The following KCNC4 variants were observed in gnomAD, a reference collection of about 807,000 sequenced individuals.
KCNC4 encodes potassium voltage-gated channel subfamily C member 4, also known as voltage-gated potassium channel KCNC4.
A neutral mutation model predicts 42.8 loss-of-function variants in KCNC4; 23 were observed. That is an observed-to-expected ratio of 0.54 (90% CI 0.39 to 0.76). KCNC4 has a LOEUF of 0.76. Among genes scored for constraint, KCNC4 ranks in the 30% least tolerant of loss-of-function variants. The pLI is 0.00. For synonymous variants in KCNC4, 422 were observed against 393.5 expected (o/e 1.07, Z -0.86); for missense variants, 751 against 898.2 (o/e 0.84, Z 2.10).
chr1:110,250,165 T>C (rs1659225164), downstream of KCNC4, among the ~76,000 whole-genome samples: 1 of 152,020 alleles, frequency 6.6e-6, no homozygotes, highest in South Asian at 2.1e-4. Context: ...CTCCCCCACC[T>C]CCCTCCTCCC....
rs760839541 is a variant in KCNC4 at position 110,223,767 on chromosome 1, G to T, written c.1482G>T (p.Lys494Asn). The T allele has an allele frequency of 6.2e-7, 1 of 1,614,204 alleles. No homozygotes were observed. The highest frequency in any genetic ancestry group is 2.2e-5 in the East Asian group (1 of 44,876). ...AKQKLPKKRK[K>N]HVPRPAQLES... ...AGAAGCTGCCCAAGAAACGGAAGAA[G>T]CACGTGCCACGGCCGGCGCAGCTGG... Residue 494 changes from lysine (K) to asparagine (N), a missense_variant, in exon 2 of 4, where the codon AAG becomes AAT. Lys to Asn is a moderately conservative substitution (Grantham distance 94). This residue lies in a region of KCNC4 where 185 missense variants were observed against 293.7 expected (regional missense o/e 0.63). Transcript: ENST00000438661. The surrounding 1 kb of genome is among the most constrained non-coding windows in gnomAD (Gnocchi z 7.5).
chr1:110,275,949 C>T (rs1391831583), intron 1 of KCNC4, among the ~76,000 whole-genome samples: 9 of 118,500 alleles, frequency 7.6e-5, no homozygotes, highest in Non-Finnish European at 1.1e-4. Flanking sequence ...AAAGAGACTC[C>T]GCCTCAAAAA....
chr1:110,250,476 G>A (rs928739428), downstream of KCNC4, among the ~76,000 whole-genome samples: 1 of 152,186 alleles, frequency 6.6e-6, no homozygotes, highest in African/African-American at 2.4e-5. Flanking sequence ...CACTGCACAA[G>A]CCTGGGCCAT....
intron 1 of KCNC4, among the ~76,000 whole-genome samples, chr1:110,270,865 G>A (rs916275185): frequency 6.6e-6 from 1 of 152,162 alleles, no homozygotes; most frequent in Non-Finnish European, 1.5e-5. Context: ...CTGGCTCTGC[G>A]GTGGCCTCAA....
At chr1:110,241,389 A>G (rs576146753) in exon 4 of KCNC4, 1 of 152,310 alleles carries the variant, frequency 6.6e-6, no homozygotes, top group Admixed American at 6.5e-5. Context: ...CCCAGGAGAT[A>G]GGACTGTTGA....
chr1:110,225,779 C>CA (rs1225001937), intron 2 of KCNC4, 196 bp from the exon 3 acceptor site: 2 of 575,130 alleles, frequency 3.5e-6, no homozygotes, highest in Non-Finnish European at 6.2e-6. Flanking sequence ...GGAGGGAAGT[C>CA]AGTCTTCACA....
chr1:110,244,842 A>G (rs1659110377), exon 4 of KCNC4: 1 of 152,250 alleles, frequency 6.6e-6, no homozygotes, highest in Non-Finnish European at 1.5e-5. Context: ...TGGGCCGTGC[A>G]GTCTTTGGCA....
intron 1 of KCNC4, chr1:110,221,684 G>C (rs115552957): frequency 9.5e-4 from 144 of 152,354 alleles, no homozygotes; most frequent in African/African-American, 3.3e-3. Flanking sequence ...CAGCCAGGTG[G>C]AAGTCAGGGT....
intron 1 of KCNC4, among the ~76,000 whole-genome samples, chr1:110,212,869 C>T (rs1447969850): frequency 6.6e-6 from 1 of 152,178 alleles, no homozygotes; most frequent in Non-Finnish European, 1.5e-5. Flanking sequence ...GAGAATTAAA[C>T]ACGAAGGGCC....
At chr1:110,220,237 G>A (rs1658020846) in intron 1 of KCNC4, 1 of 152,222 alleles carries the variant, frequency 6.6e-6, no homozygotes, top group East Asian at 1.9e-4. Flanking sequence ...GTGGAGGTGA[G>A]GGGTAGCAGT....
At chr1:110,258,422 G>T (rs1256420117) in intron 1 of KCNC4, among the ~76,000 whole-genome samples, 1 of 152,116 alleles carries the variant, frequency 6.6e-6, no homozygotes, top group Non-Finnish European at 1.5e-5. Flanking sequence ...ACTTTTAGTA[G>T]AGACGAGGTT....
At chr1:110,272,569 A>G (rs932160047) in intron 1 of KCNC4, 2 of 152,256 alleles carry the variant, frequency 1.3e-5, no homozygotes, top group African/African-American at 4.8e-5. Flanking sequence ...AGGATGCTGT[A>G]GTCACACAAT....
exon 4 of KCNC4, chr1:110,244,006 C>T (rs1226226298): frequency 1.3e-5 from 2 of 152,240 alleles, no homozygotes. Flanking sequence ...TTTTCACAGG[C>T]TGGCTTGGTG....
chr1:110,218,128 C>G (rs1462838226), intron 1 of KCNC4, among the ~76,000 whole-genome samples: 1 of 152,214 alleles, frequency 6.6e-6, no homozygotes, highest in South Asian at 2.1e-4. Context: ...GCTCTCCTCC[C>G]CTGCCCCCGC....
At chr1:110,263,539 C>CACAG (rs1269030129) in intron 1 of KCNC4, among the ~76,000 whole-genome samples, 1 of 152,038 alleles carries the variant, frequency 6.6e-6, no homozygotes, top group African/African-American at 2.4e-5. Context: ...GTTTGGGCAA[C>CACAG]ACAGACAGAC....
intron 1 of KCNC4, among the ~76,000 whole-genome samples, chr1:110,214,855 T>TA (rs1657686744): frequency 6.6e-6 from 1 of 152,210 alleles, no homozygotes; most frequent in South Asian, 2.1e-4. Flanking sequence ...AAGGAAGACT[T>TA]ACTGTATTAC....
intron 1 of KCNC4, among the ~76,000 whole-genome samples, chr1:110,259,247 G>C (rs1347365566): frequency 1.3e-5 from 2 of 152,132 alleles, no homozygotes; most frequent in Non-Finnish European, 1.5e-5. Flanking sequence ...AGGGCACACG[G>C]GGAACCCACC....
At chr1:110,212,683 C>T (rs866267163) in intron 1 of KCNC4, among the ~76,000 whole-genome samples, 1 of 152,310 alleles carries the variant, frequency 6.6e-6, no homozygotes, top group African/African-American at 2.4e-5. Flanking sequence ...CACAACTATG[C>T]ACTTCAGAGA....
intron 1 of KCNC4, among the ~76,000 whole-genome samples, chr1:110,269,045 CT>C (rs567450243): frequency 1.3e-5 from 2 of 152,182 alleles, no homozygotes; most frequent in Admixed American, 6.5e-5. Context: ...TCTTTCTTTG[CT>C]GCAACAACCT....
Sources: gnomAD v4.1 joint callset for allele counts (sites outside exome capture counted in the v4.1 genomes callset) on GRCh38, gnomAD v4.1.1 for gene constraint, gnomAD v4.1.1 regional missense constraint, Gnocchi (gnomAD v3.1) non-coding constraint, MANE v1.5 for transcripts, NCBI Gene and HGNC (gene_info 2026-07-23, HGNC 2026-07-21) for gene names.